Variants in AKAP6 observed in about 807,000 individuals in gnomAD.
The protein encoded by AKAP6 is A-kinase anchoring protein 6.
Under a neutral mutation model 188.5 loss-of-function variants are expected in AKAP6, and 58 were observed. The ratio of observed to expected loss-of-function variants is 0.31; its 90% CI spans 0.25 to 0.38. The LOEUF is 0.38. Ranked by LOEUF, AKAP6 falls within the 10% of genes least tolerant of loss-of-function variation. The pLI is 1.00. For synonymous variants in AKAP6, 989 were observed against 998.6 expected (o/e 0.99, Z 0.18); for missense variants, 2,710 against 2,740.0 (o/e 0.99, Z 0.24).
chr14:32,563,247 G>A (rs1370124373), intron 4 of AKAP6, among the ~76,000 whole-genome samples: 1 of 152,184 alleles, frequency 6.6e-6, no homozygotes, highest in African/African-American at 2.4e-5. Context: ...GCCATATTGT[G>A]TAAACCATGT....
chr14:32,625,064 T>C (rs1886961502), intron 7 of AKAP6, among the ~76,000 whole-genome samples: 1 of 152,132 alleles, frequency 6.6e-6, no homozygotes, highest in East Asian at 1.9e-4. Flanking sequence ...AAGCAAATTA[T>C]TATAAGTTTG....
At chr14:32,514,454 G>A (rs1881418469) in intron 2 of AKAP6, among the ~76,000 whole-genome samples, 1 of 152,156 alleles carries the variant, frequency 6.6e-6, no homozygotes, top group African/African-American at 2.4e-5. Flanking sequence ...GTACATCTAA[G>A]AAAGAGCTGC....
chr14:32,584,136 A>G (rs1885118447), intron 5 of AKAP6, among the ~76,000 whole-genome samples: 1 of 152,164 alleles, frequency 6.6e-6, no homozygotes, highest in Non-Finnish European at 1.5e-5. Flanking sequence ...CCCAAATTGC[A>G]CATTTTAAAG....
At chr14:32,790,466 C>CA (rs1206748033) in intron 12 of AKAP6, among the ~76,000 whole-genome samples, 2 of 152,086 alleles carry the variant, frequency 1.3e-5, no homozygotes, top group African/African-American at 2.4e-5. Flanking sequence ...TAAGGGCAGC[C>CA]AGAGAGAAAG....
chr14:32,553,937 G>A (rs557008939), intron 4 of AKAP6, among the ~76,000 whole-genome samples: 5 of 152,290 alleles, frequency 3.3e-5, no homozygotes, highest in South Asian at 4.1e-4. Flanking sequence ...AGCCAGAAGC[G>A]AAGTCAAGTA....
At chr14:32,465,884 G>GA (rs987993747) in intron 2 of AKAP6, among the ~76,000 whole-genome samples, 2 of 151,924 alleles carry the variant, frequency 1.3e-5, no homozygotes, top group African/African-American at 4.8e-5. Flanking sequence ...AAATTTACAA[G>GA]AAAAAAACAA....
At chr14:32,483,778 C>T (rs1055349218) in intron 2 of AKAP6, among the ~76,000 whole-genome samples, 4 of 151,934 alleles carry the variant, frequency 2.6e-5, no homozygotes, top group African/African-American at 9.7e-5. Flanking sequence ...GCCACTGTGC[C>T]CCCCAGATTT....
chr14:32,672,987 AATTTTCT>A lies in AKAP6; in HGVS notation c.2731-5322_2731-5316del, dbSNP rs1465238070. ...TTCATTGTGGCCAAGATAGCATACA[AATTTTCT>A]AACCTGGCATCCTCCATCGTCTATC... On this transcript the variant is annotated intron_variant, in intron 7 of 13. Coordinates refer to ENST00000280979, the MANE Select transcript of AKAP6 (RefSeq NM_004274.5). Among the ~76,000 whole-genome samples the A allele has an allele frequency of 2.0e-5, 3 of 152,252 alleles. No homozygotes were observed. In the East Asian group the frequency reaches 5.8e-4, roughly 29 times the overall value.
chr14:32,641,937 A>G (rs905543177), intron 7 of AKAP6, among the ~76,000 whole-genome samples: 2 of 152,158 alleles, frequency 1.3e-5, no homozygotes, highest in African/African-American at 2.4e-5. Flanking sequence ...AGATTTGGAA[A>G]TGGCAACTCG....
chr14:32,821,747 A>G lies in AKAP6; in HGVS notation c.3934A>G (p.Thr1312Ala), dbSNP rs765303793. ...ATTTCTGAAAAACAATCCAAAGGTC[A>G]CTGGCATGACACAGCCTAATGTTTT... Reference protein sequence around the residue: ...MPFLKNNPKVTGMTQPNVLTK... With the variant: ...MPFLKNNPKVAGMTQPNVLTK... The change falls in exon 13 of 14, where the codon ACT becomes GCT. Residue 1312 changes from threonine to alanine, a missense_variant. Thr to Ala is a moderately conservative substitution (Grantham distance 58). Around this residue, in one of 2 missense-constraint regions of AKAP6, gnomAD observed 2,473 missense variants for 2,426.1 expected, o/e 1.02. Coordinates refer to ENST00000280979, the MANE Select transcript of AKAP6 (RefSeq NM_004274.5). 2 of 1,613,868 alleles carry G rather than the reference A, an allele frequency of 1.2e-6. No homozygotes were observed. The highest frequency in any genetic ancestry group is 3.3e-5 in the Admixed American group (2 of 59,914).
chr14:32,477,391 G>T (rs191279493), intron 2 of AKAP6, among the ~76,000 whole-genome samples: 3 of 152,124 alleles, frequency 2.0e-5, no homozygotes, highest in Admixed American at 1.3e-4. Flanking sequence ...ATGCCTGGCG[G>T]TGTTGAAGGG....
chr14:32,819,827 A>G (rs2034474851), intron 12 of AKAP6, among the ~76,000 whole-genome samples: 2 of 152,070 alleles, frequency 1.3e-5, no homozygotes, highest in African/African-American at 4.8e-5. Flanking sequence ...ACGCACCTGT[A>G]GTCCCAGATA....
intron 2 of AKAP6, among the ~76,000 whole-genome samples, chr14:32,527,570 T>G (rs1293133418): frequency 6.6e-6 from 1 of 152,252 alleles, no homozygotes; most frequent in African/African-American, 2.4e-5. Context: ...TGAGAGTTCC[T>G]CTTACTCCAC....
chr14:32,754,295 T>C (rs1008586610), intron 11 of AKAP6, among the ~76,000 whole-genome samples: 6 of 152,108 alleles, frequency 3.9e-5, no homozygotes, highest in Non-Finnish European at 7.4e-5. Context: ...CTGATAAAAG[T>C]ATAGCCACCC....
intron 12 of AKAP6, 35 bp downstream of exon 12, chr14:32,773,928 C>CA: frequency 6.3e-7 from 1 of 1,580,648 alleles, no homozygotes; most frequent in Non-Finnish European, 8.7e-7. Context: ...AATTGTCTGT[C>CA]ATTTTCTCAG....
intron 11 of AKAP6, among the ~76,000 whole-genome samples, chr14:32,756,169 G>A (rs1407145836): frequency 6.6e-6 from 1 of 152,094 alleles, no homozygotes; most frequent in East Asian, 1.9e-4. Flanking sequence ...ACTGGGATGA[G>A]CCTGGAGCTA....
At chr14:32,592,301 A>G (rs535621370) in intron 5 of AKAP6, among the ~76,000 whole-genome samples, 3 of 152,318 alleles carry the variant, frequency 2.0e-5, no homozygotes, top group Non-Finnish European at 2.9e-5. Context: ...AGACACATCA[A>G]TAATTTTAAC....
At chr14:32,789,850 C>T (rs1202338364) in intron 12 of AKAP6, among the ~76,000 whole-genome samples, 1 of 152,162 alleles carries the variant, frequency 6.6e-6, no homozygotes, top group Non-Finnish European at 1.5e-5. Context: ...AGCAAGGGCA[C>T]AGAACTGGGT....
At chr14:32,417,322 G>A (rs1889689964) in intron 1 of AKAP6, among the ~76,000 whole-genome samples, 1 of 151,888 alleles carries the variant, frequency 6.6e-6, no homozygotes. Flanking sequence ...ATTTTAACAG[G>A]GTTAAATATA....
Sources: allele counts gnomAD v4.1 joint callset (sites outside exome capture counted in the v4.1 genomes callset), GRCh38; gene constraint gnomAD v4.1.1; regional missense constraint gnomAD v4.1.1; transcripts MANE v1.5; gene names NCBI Gene and HGNC (gene_info 2026-07-23, HGNC 2026-07-21).